Variants in KLC1 observed in about 807,000 individuals in gnomAD.
The protein encoded by KLC1 is kinesin 2 60/70kDa.
Under a neutral mutation model 84.2 loss-of-function variants are expected in KLC1, and 30 were observed. The observed-to-expected ratio is 0.36, with a 90% CI of 0.27 to 0.48. The LOEUF (loss-of-function observed/expected upper bound fraction) is 0.48. Ranked by LOEUF, KLC1 falls within the 20% of genes least tolerant of loss-of-function variation. The pLI, the probability that KLC1 is intolerant of heterozygous loss-of-function variation, is 0.99. For synonymous variants in KLC1, 289 were observed against 293.3 expected (o/e 0.99, Z 0.15); for missense variants, 499 against 805.4 (o/e 0.62, Z 4.60).
chr14:103,681,001 T>C (rs2081298947), intron 13 of KLC1, among the ~76,000 whole-genome samples: 1 of 152,176 alleles, frequency 6.6e-6, no homozygotes, highest in African/African-American at 2.4e-5. Flanking sequence ...AGGGGGTTCG[T>C]GGGCAGGTGT....
In KLC1 at chr14:103,670,288, A is replaced by G. The variant is rs775188802; in HGVS notation, c.987+5A>G. The G allele has an allele frequency of 6.2e-7, 1 of 1,604,002 alleles. No homozygotes were observed. Among genetic ancestry groups the G allele is most frequent in the Non-Finnish European group, 8.5e-7 (1 of 1,172,318 alleles). On this transcript the variant is annotated splice_donor_5th_base_variant and intron_variant, in intron 7 of 16. Transcript: ENST00000334553. ...GCTCTGGAAATCCGAGAAAAGGTACAAAAGAAGGGGGCAGTCGTTTTCTTT... is the reference window on the plus strand; with the variant it reads ...GCTCTGGAAATCCGAGAAAAGGTACGAAAGAAGGGGGCAGTCGTTTTCTTT...
intron 15 of KLC1, chr14:103,698,391 T>G (rs538978021): frequency 3.4e-6 from 1 of 289,872 alleles, no homozygotes; most frequent in East Asian, 9.5e-5. Context: ...GTCCCAAGGC[T>G]GAGGGGGTCT....
intron 15 of KLC1, chr14:103,699,580 T>G: frequency 6.2e-7 from 1 of 1,612,934 alleles, no homozygotes; most frequent in Non-Finnish European, 8.5e-7. Context: ...AGGTGTCCTG[T>G]GGGGACAGCT....
intron 13 of KLC1, chr14:103,685,464 G>A: frequency 8.1e-7 from 1 of 1,227,464 alleles, no homozygotes; most frequent in Non-Finnish European, 1.0e-6. Context: ...CCCAGCACCT[G>A]CTTTATGCTG....
At chr14:103,669,349 G>T (rs778413653) in intron 5 of KLC1, among the ~76,000 whole-genome samples, 162 bp from the exon 6 acceptor site, 1 of 151,830 alleles carries the variant, frequency 6.6e-6, no homozygotes, top group Non-Finnish European at 1.5e-5. Context: ...GCAGAGAATT[G>T]CTTGAACCCG....
chr14:103,657,449 T>C (rs1225401427), intron 2 of KLC1, 97 bp from the exon 3 acceptor site: 2 of 833,602 alleles, frequency 2.4e-6, no homozygotes, highest in Non-Finnish European at 3.9e-6. Flanking sequence ...TATCTGCGAG[T>C]GTAAGCTACA....
In KLC1 at chr14:103,700,627, GTGAAACTCGTCTGTGCTT is replaced by G. The variant is rs780760689; in HGVS notation, c.1849-27_1849-10del. The G allele has an allele frequency of 6.1e-5, 97 of 1,594,020 alleles. No homozygotes were observed. The highest frequency in any genetic ancestry group is 7.6e-5 in the Non-Finnish European group (89 of 1,168,792). ...CCTGAGGGCCGCCTGCACGCCCTGA[GTGAAACTCGTCTGTGCTT>G]CATCTCCAGGGCGTCTCTGGCCGAG... On this transcript the variant is annotated splice_polypyrimidine_tract_variant and intron_variant, in intron 15 of 16. Transcript: ENST00000334553.
In KLC1 at chr14:103,700,587, G is replaced by A. The variant is rs1005724076; in HGVS notation, c.1849-68G>A. 47 of 1,305,712 alleles carry A rather than the reference G, an allele frequency of 3.6e-5. No homozygotes were observed. In the African/African-American group the frequency reaches 4.9e-4, roughly 14 times the overall value. 80.9% of individuals were successfully genotyped at this position (1,305,712 alleles called of 1,614,324 possible). A position where few individuals can be genotyped will look rare whatever the true frequency, so the allele number is the denominator to read the frequency against. The stretch of plus-strand genomic sequence containing the variant: ...GCAGCCACACGCTGGTGTCACGCCC[G>A]GAGCTCTGAAGACGCCTGAGGGCCG... On this transcript the variant is annotated intron_variant, in intron 15 of 16. Coordinates refer to ENST00000334553, the MANE Select transcript of KLC1 (RefSeq NM_001394837.1).
intron 1 of KLC1, among the ~76,000 whole-genome samples, chr14:103,630,373 A>G (rs764410025): frequency 7.2e-5 from 11 of 152,214 alleles, no homozygotes; most frequent in Non-Finnish European, 1.5e-4. Context: ...TATTATTTAA[A>G]TGAATTAAGA....
intron 1 of KLC1, among the ~76,000 whole-genome samples, chr14:103,637,649 C>G (rs1349980981): frequency 6.6e-6 from 1 of 152,054 alleles, no homozygotes; most frequent in Non-Finnish European, 1.5e-5. Flanking sequence ...ACCCAAAGGC[C>G]AAATAGATGC....
chr14:103,693,716 T>C lies in KLC1; in HGVS notation c.1848+1291T>C. ...GCCCGGAGGCGCCAGCCGCACTCCT[T>C]GGCTTCCTTTCCTAGATAGTGACGT... is the stretch of plus-strand genomic sequence containing the variant. On this transcript the variant is annotated intron_variant, in intron 15 of 16. Transcript: ENST00000334553. The surrounding 1 kb of genome is among the most constrained non-coding windows in gnomAD (Gnocchi z 5.1). 6.7e-7 allele frequency: 1 copy of C among 1,489,392 alleles called. No homozygotes were observed. Among genetic ancestry groups the C allele is most frequent in the Non-Finnish European group, 8.9e-7 (1 of 1,123,584 alleles). The allele number at this position is 1,489,392 out of a possible 1,614,324, so 92.3% of individuals were successfully genotyped here.
At chr14:103,640,326 C>G (rs2077384845) in intron 1 of KLC1, among the ~76,000 whole-genome samples, 1 of 152,056 alleles carries the variant, frequency 6.6e-6, no homozygotes, top group Non-Finnish European at 1.5e-5. Context: ...TCCCAAAATT[C>G]TGGGATTACA....
chr14:103,695,738 G>T lies in KLC1; in HGVS notation c.1848+3313G>T, dbSNP rs577538799. 4 of 985,462 alleles carry T rather than the reference G, an allele frequency of 4.1e-6. No homozygotes were observed. The African/African-American group carries it at 7.0e-5, about 17-fold the overall frequency. The allele number at this position is 985,462 out of a possible 1,614,324, so 61.0% of individuals were successfully genotyped here. A position where few individuals can be genotyped will look rare whatever the true frequency, so the allele number is the denominator to read the frequency against. On this transcript the variant is annotated intron_variant, in intron 15 of 16. Transcript: ENST00000334553. ...GAGCCTGCTGTGGCTTCCAGCCATG[G>T]GACTTTAGGGCCGAGGTGGCCTCTG...
At position 103,695,184 on chromosome 14, in the gene KLC1, G is replaced by A. The variant is rs79109724; in HGVS notation, c.1848+2759G>A. The A allele has an allele frequency of 2.6e-3, 2,236 of 865,512 alleles. 47 individuals carry two copies. The African/African-American group carries it at 0.038, about 15-fold the overall frequency. 53.6% of individuals were successfully genotyped at this position (865,512 alleles called of 1,614,324 possible). ...TATATATATATATATGGCTGGGTGC[G>A]GTGGTTCATGCCAGTAATCCTATAA... is the stretch of plus-strand genomic sequence containing the variant. On this transcript the variant is annotated intron_variant, in intron 15 of 16. Transcript: ENST00000334553.
At chr14:103,679,359 C>T in intron 12 of KLC1, 25 bp from the exon 13 acceptor site, 1 of 1,607,920 alleles carries the variant, frequency 6.2e-7, no homozygotes. Flanking sequence ...ATGGGTCAAA[C>T]CATTTTCCCC....
chr14:103,687,056 T>A, intron 13 of KLC1, 25 bp from the exon 14 acceptor site: 1 of 1,507,738 alleles, frequency 6.6e-7, no homozygotes, highest in South Asian at 1.2e-5. Flanking sequence ...ACCTGCAGCT[T>A]CACGTTTGTT....
intron 1 of KLC1, among the ~76,000 whole-genome samples, chr14:103,642,714 A>G (rs1381516075): frequency 6.6e-6 from 1 of 152,186 alleles, no homozygotes; most frequent in Non-Finnish European, 1.5e-5. Flanking sequence ...TCCCATTGAC[A>G]AAAGCTGGAA....
rs565514723 is a variant in KLC1, at chr14:103,698,260, C to T, written c.1849-2395C>T. On this transcript the variant is annotated intron_variant, in intron 15 of 16. Coordinates refer to ENST00000334553, the MANE Select transcript of KLC1 (RefSeq NM_001394837.1). The stretch of plus-strand genomic sequence containing the variant: ...ACAGTGTGTGCCGAGGTGGGGCCCC[C>T]GGGAGCCAAGGACCCAGAGGTGGGT... 3.3e-3 allele frequency: 588 copies of T among 176,744 alleles called. 3 individuals carry two copies. Among genetic ancestry groups the T allele is most frequent in the African/African-American group, 0.012 (511 of 41,934 alleles). The allele number at this position is 176,744 out of a possible 1,614,324, so 10.9% of individuals were successfully genotyped here.
chr14:103,665,648 G>A (rs1387939244), intron 5 of KLC1, among the ~76,000 whole-genome samples: 5 of 152,098 alleles, frequency 3.3e-5, no homozygotes, highest in Non-Finnish European at 7.4e-5. Flanking sequence ...TGTTGGCCAG[G>A]CTGGTCTCAA....
Sources: allele counts gnomAD v4.1 joint callset (sites outside exome capture counted in the v4.1 genomes callset), GRCh38; gene constraint gnomAD v4.1.1; non-coding constraint Gnocchi (gnomAD v3.1); transcripts MANE v1.5; gene names NCBI Gene and HGNC (gene_info 2026-07-23, HGNC 2026-07-21).